The following ME3 variants were observed in gnomAD, a reference collection of about 807,000 sequenced individuals.
ME3 encodes NADP-dependent malic enzyme, mitochondrial.
ME3 carries 48 observed loss-of-function variants against 68.9 expected under a neutral mutation model. The ratio of observed to expected loss-of-function variants is 0.70; its 90% CI spans 0.55 to 0.89. ME3 has a LOEUF of 0.89. Ranked by LOEUF, ME3 falls within the 40% of genes least tolerant of loss-of-function variation. The pLI, the probability that ME3 is intolerant of heterozygous loss-of-function variation, is 0.00. For synonymous variants in ME3, 320 were observed against 318.8 expected, an observed-to-expected ratio of 1.00 and a Z score of -0.04; for missense variants, 675 against 797.4, an observed-to-expected ratio of 0.85 and a Z score of 1.85.
chr11:86,492,491 G>A (rs1952065003), intron 6 of ME3, among the ~76,000 whole-genome samples: 1 of 152,230 alleles, frequency 6.6e-6, no homozygotes. Flanking sequence ...ACTCTTCCCA[G>A]GGTGGGGACC....
chr11:86,664,183 T>G (rs184985313), intron 2 of ME3, among the ~76,000 whole-genome samples: 22 of 152,196 alleles, frequency 1.4e-4, no homozygotes, highest in Non-Finnish European at 2.5e-4. Flanking sequence ...AACCTAAAAT[T>G]GAAAAGAAAA....
rs141547516 is a variant in ME3 at position 86,508,343 on chromosome 11, G to A, written c.543+449C>T. ...CCTGAATCTCCTCAGGCTAAAAATCGTCATTGCCTCTAGAAGAACACCCTC... is the reference window on the plus strand; with the variant it reads ...CCTGAATCTCCTCAGGCTAAAAATCATCATTGCCTCTAGAAGAACACCCTC... On this transcript the variant is annotated intron_variant, in intron 5 of 14. Coordinates refer to ENST00000543262, the Ensembl canonical transcript of ME3. Among the ~76,000 whole-genome samples, 1,040 of 152,228 alleles carry A rather than the reference G, an allele frequency of 6.8e-3. 4 individuals carry two copies. The highest frequency in any genetic ancestry group is 0.01 in the Non-Finnish European group (684 of 68,014).
At chr11:86,578,852 G>T (rs1041894700) in intron 2 of ME3, among the ~76,000 whole-genome samples, 2 of 152,108 alleles carry the variant, frequency 1.3e-5, no homozygotes, top group African/African-American at 4.8e-5. Flanking sequence ...TAGTAGTTCT[G>T]AAACTTTGCT....
intron 2 of ME3, among the ~76,000 whole-genome samples, chr11:86,589,558 T>C (rs1958941592): frequency 6.6e-6 from 1 of 152,226 alleles, no homozygotes; most frequent in Non-Finnish European, 1.5e-5. Flanking sequence ...CTTCCCCAAC[T>C]GTGGTTTAAT....
At chr11:86,517,355 G>C (rs761797085) in intron 4 of ME3, among the ~76,000 whole-genome samples, 1 of 152,190 alleles carries the variant, frequency 6.6e-6, no homozygotes, top group Non-Finnish European at 1.5e-5. Context: ...GGGTGACATA[G>C]AGCACAGTCC....
At chr11:86,447,270 C>A in intron 11 of ME3, 63 bp from the exon 12 acceptor site, 2 of 1,574,970 alleles carry the variant, frequency 1.3e-6, no homozygotes, top group South Asian at 1.2e-5. Flanking sequence ...TCCTCTTCTG[C>A]TGGTGGTGGT....
Position 86,498,374 on chromosome 11 carries a change from G to A in ME3, c.544-250C>T, listed in dbSNP as rs1486181417. 3.3e-5 allele frequency among the ~76,000 whole-genome samples: 5 copies of A among 152,356 alleles called. 1 individual carries two copies. The highest frequency in any genetic ancestry group is 6.8e-3 in the Middle Eastern group (2 of 294). On this transcript the variant is annotated intron_variant, in intron 5 of 14. Coordinates refer to ENST00000543262, the Ensembl canonical transcript of ME3. The stretch of plus-strand genomic sequence containing the variant: ...GCCTGCCTTGCATTCTGAGCTTCAG[G>A]TGGGGGCTGCAGAAACAGCTGGAGG...
intron 4 of ME3, among the ~76,000 whole-genome samples, chr11:86,546,076 A>G (rs1020682343): frequency 6.6e-6 from 1 of 152,216 alleles, no homozygotes; most frequent in Non-Finnish European, 1.5e-5. Flanking sequence ...AGGATTCCCT[A>G]TTTAATAAAT....
rs185669392 is a variant in ME3, at chr11:86,527,834, C to A, written c.468-18967G>T. On this transcript the variant is annotated intron_variant, in intron 4 of 14. Coordinates refer to ENST00000543262, the Ensembl canonical transcript of ME3. ...AGATTTTGTCACCACCAGGCCTGCC[C>A]TACAAGAGCTCCTGAAGGAAGCACT... 6.4e-3 allele frequency among the ~76,000 whole-genome samples: 981 copies of A among 152,294 alleles called. 9 individuals are homozygous for A. Among genetic ancestry groups the A allele is most frequent in the African/African-American group, 0.023 (944 of 41,548 alleles).
intron 8 of ME3, among the ~76,000 whole-genome samples, chr11:86,453,793 G>A (rs1949768843): frequency 6.6e-6 from 1 of 152,204 alleles, no homozygotes; most frequent in African/African-American, 2.4e-5. Flanking sequence ...TGAAGCAGAA[G>A]TTGAACCCGG....
intron 6 of ME3, among the ~76,000 whole-genome samples, chr11:86,494,541 AG>A (rs1303693210): frequency 6.6e-6 from 1 of 152,160 alleles, no homozygotes; most frequent in Non-Finnish European, 1.5e-5. Flanking sequence ...AGGGCAGATC[AG>A]GGCATGTTCC....
At chr11:86,531,201 C>T (rs1955202301) in intron 4 of ME3, among the ~76,000 whole-genome samples, 4 of 152,112 alleles carry the variant, frequency 2.6e-5, no homozygotes, top group Non-Finnish European at 5.9e-5. Context: ...TATGAACAGA[C>T]ACTTCTCAAA....
intron 2 of ME3, among the ~76,000 whole-genome samples, chr11:86,663,733 C>CAA (rs1565296464): frequency 1.3e-5 from 2 of 151,904 alleles, no homozygotes; most frequent in Admixed American, 6.6e-5. Flanking sequence ...GTAGAAATGA[C>CAA]AAAAATGTGA....
chr11:86,547,987 A>G (rs1009771249), intron 4 of ME3, among the ~76,000 whole-genome samples: 1 of 152,228 alleles, frequency 6.6e-6, no homozygotes, highest in African/African-American at 2.4e-5. Flanking sequence ...TGTTCTAGTT[A>G]ATAAAGTTCA....
At chr11:86,575,627 G>A (rs1293733615) in intron 2 of ME3, among the ~76,000 whole-genome samples, 2 of 118,038 alleles carry the variant, frequency 1.7e-5, no homozygotes, top group African/African-American at 7.9e-5. Flanking sequence ...AGATGAAGTG[G>A]ATGACGTGCT....
chr11:86,631,634 A>G (rs1322511430), intron 2 of ME3, among the ~76,000 whole-genome samples: 1 of 152,234 alleles, frequency 6.6e-6, no homozygotes, highest in African/African-American at 2.4e-5. Context: ...AACCATGGGC[A>G]TAATAAAGAC....
At chr11:86,446,934 A>T in intron 12 of ME3, 131 bp downstream of exon 12, 1 of 1,251,076 alleles carries the variant, frequency 8.0e-7, no homozygotes, top group Non-Finnish European at 1.1e-6. Flanking sequence ...GACCTTGGGC[A>T]TGTTACTTCA....
At chr11:86,445,389 G>A (rs1170526951) in intron 13 of ME3, among the ~76,000 whole-genome samples, 1 of 152,246 alleles carries the variant, frequency 6.6e-6, no homozygotes, top group Non-Finnish European at 1.5e-5. Flanking sequence ...GGGACTCACA[G>A]AAGTGGATCC....
At chr11:86,626,806 AG>A (rs1943693827) in intron 2 of ME3, among the ~76,000 whole-genome samples, 2 of 152,206 alleles carry the variant, frequency 1.3e-5, no homozygotes, top group African/African-American at 4.8e-5. Flanking sequence ...TGCCAATCCC[AG>A]CTTAGAGTTT....
Sources: gnomAD v4.1 joint callset for allele counts (sites outside exome capture counted in the v4.1 genomes callset) on GRCh38, gnomAD v4.1.1 for gene constraint, MANE v1.5 for transcripts, NCBI Gene and HGNC (gene_info 2026-07-23, HGNC 2026-07-21) for gene names.